Variants in TWIST2 observed in about 807,000 individuals in gnomAD.
The protein encoded by TWIST2 is twist family bHLH transcription factor 2.
TWIST2 carries 1 observed loss-of-function variant against 11.6 expected under a neutral mutation model. The ratio of observed to expected loss-of-function variants is 0.09; its 90% CI spans 0.03 to 0.41. TWIST2 has a LOEUF of 0.41. Among genes scored for constraint, TWIST2 ranks in the 10% least tolerant of loss-of-function variants. TWIST2 has a pLI of 0.98. For synonymous variants in TWIST2, 87 were observed against 96.6 expected, an observed-to-expected ratio of 0.90 and a Z score of 0.58; for missense variants, 168 against 226.4, an observed-to-expected ratio of 0.74 and a Z score of 1.66.
In TWIST2 at chr2:238,871,407, C is replaced by G. The variant is rs1311101145; in HGVS notation, c.*35+22674C>G. On this transcript the variant is annotated intron_variant, in intron 1 of 1. Coordinates refer to ENST00000612363, the MANE Select transcript of TWIST2 (RefSeq NM_001271893.4). The stretch of plus-strand genomic sequence containing the variant: ...ACACCCCATGCACACACCACACACC[C>G]CACACACACCACAACCCCACACGCC... Among the ~76,000 whole-genome samples, 3 of 75,750 alleles carry G rather than the reference C, an allele frequency of 4.0e-5. 1 individual carries two copies. The highest frequency in any genetic ancestry group is 1.0e-4 in the African/African-American group (2 of 19,558). The allele number at this position is 75,750 out of a possible 152,430, so 49.7% of individuals were successfully genotyped here.
intron 1 of TWIST2, among the ~76,000 whole-genome samples, chr2:238,876,105 G>A (rs1032963295): frequency 5.3e-5 from 8 of 152,200 alleles, no homozygotes; most frequent in Admixed American, 1.3e-4. Flanking sequence ...AATCCTCCCA[G>A]TGCACCGGTC....
chr2:238,896,781 G>A (rs1693212820), intron 1 of TWIST2, among the ~76,000 whole-genome samples: 1 of 152,194 alleles, frequency 6.6e-6, no homozygotes, highest in African/African-American at 2.4e-5. Flanking sequence ...TGGGATTTTA[G>A]CTCTGGCCCA....
intron 1 of TWIST2, among the ~76,000 whole-genome samples, chr2:238,886,095 CAAA>C (rs67714100): frequency 1.7e-4 from 21 of 123,220 alleles, no homozygotes; most frequent in South Asian, 1.1e-3. Context: ...GACTCCATCT[CAAA>C]AAAAAAAAAA....
intron 1 of TWIST2, among the ~76,000 whole-genome samples, chr2:238,871,593 C>G (rs1692703808): frequency 7.5e-6 from 1 of 132,482 alleles, no homozygotes; most frequent in Non-Finnish European, 1.6e-5. Context: ...ACACACCACA[C>G]ACACAGCACA....
At chr2:238,857,172 G>A (rs1412814074) in intron 1 of TWIST2, among the ~76,000 whole-genome samples, 2 of 152,148 alleles carry the variant, frequency 1.3e-5, no homozygotes, top group African/African-American at 4.8e-5. Flanking sequence ...TGACGGGCGG[G>A]CCCTCCCATG....
Position 238,864,297 on chromosome 2 carries a change from T to G in TWIST2, c.*35+15564T>G, listed in dbSNP as rs1428622306. Among the ~76,000 whole-genome samples, 1 of 152,172 alleles carries G rather than the reference T, an allele frequency of 6.6e-6. No homozygotes were observed. ...CGGCGATCGGGGCCTGATCCTCAGTTCGAAGACACAGATGCTCACTGCTGT... is the reference window on the plus strand; with the variant it reads ...CGGCGATCGGGGCCTGATCCTCAGTGCGAAGACACAGATGCTCACTGCTGT... On this transcript the variant is annotated intron_variant, in intron 1 of 1. Coordinates refer to ENST00000612363, the MANE Select transcript of TWIST2 (RefSeq NM_001271893.4). The surrounding 1 kb of genome is among the most constrained non-coding windows in gnomAD (Gnocchi z 4.7).
chr2:238,876,963 C>T (rs1016987419), intron 1 of TWIST2, among the ~76,000 whole-genome samples: 1 of 152,114 alleles, frequency 6.6e-6, no homozygotes. Context: ...TCTTCCTTAC[C>T]TTCAGCGGAT....
At chr2:238,852,491 C>T (rs1692259651) in intron 1 of TWIST2, among the ~76,000 whole-genome samples, 1 of 152,138 alleles carries the variant, frequency 6.6e-6, no homozygotes, top group Admixed American at 6.5e-5. Flanking sequence ...GTTACTGTAG[C>T]CAAGGACTGG....
At chr2:238,874,622 C>G (rs1465528725) in intron 1 of TWIST2, among the ~76,000 whole-genome samples, 2 of 152,222 alleles carry the variant, frequency 1.3e-5, no homozygotes, top group African/African-American at 2.4e-5. Flanking sequence ...TACATACATT[C>G]GTTCACCAGA....
At chr2:238,905,863 GTGCGTGCGTGTGTGTGC>G (rs1693334861) in intron 1 of TWIST2, among the ~76,000 whole-genome samples, 1 of 149,408 alleles carries the variant, frequency 6.7e-6, no homozygotes, top group Non-Finnish European at 1.5e-5. Flanking sequence ...GTGCGTGTGT[GTGCGTGCGTGTGTGTGC>G]ATGTGCGCGC....
At chr2:238,856,533 G>A (rs766505968) in intron 1 of TWIST2, among the ~76,000 whole-genome samples, 1 of 148,698 alleles carries the variant, frequency 6.7e-6, no homozygotes, top group African/African-American at 2.5e-5. Flanking sequence ...ACATGGAAAA[G>A]TTTTTTTTTT....
chr2:238,881,628 T>C (rs1692936791), intron 1 of TWIST2, among the ~76,000 whole-genome samples: 1 of 152,102 alleles, frequency 6.6e-6, no homozygotes, highest in African/African-American at 2.4e-5. Context: ...TTAGCATTAG[T>C]GTTAGTATTA....
intron 1 of TWIST2, among the ~76,000 whole-genome samples, chr2:238,902,593 G>C (rs1693283035): frequency 6.7e-6 from 1 of 149,966 alleles, no homozygotes; most frequent in African/African-American, 2.5e-5. Context: ...GTGTGTTGTA[G>C]TGTGTGTGAT....
chr2:238,859,281 C>G (rs543736817), intron 1 of TWIST2, among the ~76,000 whole-genome samples: 1 of 151,148 alleles, frequency 6.6e-6, no homozygotes, highest in Non-Finnish European at 1.5e-5. Flanking sequence ...ATGCTAAGCT[C>G]AAGAAGCCAG....
At chr2:238,882,707 C>T (rs563531830) in intron 1 of TWIST2, among the ~76,000 whole-genome samples, 81 of 152,306 alleles carry the variant, frequency 5.3e-4, no homozygotes, top group Middle Eastern at 3.4e-3. Flanking sequence ...GGAGCAAATG[C>T]GTTTGTAACT....
intron 1 of TWIST2, among the ~76,000 whole-genome samples, chr2:238,893,697 G>C (rs1359926003): frequency 6.6e-6 from 1 of 152,200 alleles, no homozygotes; most frequent in Non-Finnish European, 1.5e-5. Flanking sequence ...CATACAGTGT[G>C]GGGTCCGGCA....
At chr2:238,870,178 ACACACACATCACAT>A (rs1692629270) in intron 1 of TWIST2, among the ~76,000 whole-genome samples, 3 of 69,146 alleles carry the variant, frequency 4.3e-5, no homozygotes, top group Non-Finnish European at 5.8e-5. Context: ...CACACACCCC[ACACACACATCACAT>A]ACCACACACA....
intron 1 of TWIST2, among the ~76,000 whole-genome samples, chr2:238,852,556 C>T (rs1401671299): frequency 1.3e-5 from 2 of 152,104 alleles, no homozygotes; most frequent in African/African-American, 2.4e-5. Flanking sequence ...TGCTTTCAAA[C>T]GTAAAGGCAA....
chr2:238,881,558 C>T (rs149395453), intron 1 of TWIST2, among the ~76,000 whole-genome samples: 3,050 of 151,620 alleles, frequency 0.02, 53 homozygotes, highest in Non-Finnish European at 0.031. Flanking sequence ...TTAGTATTAG[C>T]GTTAGAATTT....
Sources: allele counts gnomAD v4.1 joint callset (sites outside exome capture counted in the v4.1 genomes callset), GRCh38; gene constraint gnomAD v4.1.1; non-coding constraint Gnocchi (gnomAD v3.1); transcripts MANE v1.5; gene names NCBI Gene and HGNC (gene_info 2026-07-23, HGNC 2026-07-21).